Variants in PHLDB3 observed in about 807,000 individuals in gnomAD.
PHLDB3 encodes the protein pleckstrin homology-like domain family B member 3.
A neutral mutation model predicts 85.7 loss-of-function variants in PHLDB3; 86 were observed. That is an observed-to-expected ratio of 1.00 (90% CI 0.84 to 1.20). The LOEUF (loss-of-function observed/expected upper bound fraction) is 1.20. Among genes scored for constraint, PHLDB3 ranks in the 50% most tolerant of loss-of-function variants. The pLI is 0.00. For synonymous variants in PHLDB3, 376 were observed against 349.8 expected, an observed-to-expected ratio of 1.07 and a Z score of -0.83; for missense variants, 995 against 873.0, an observed-to-expected ratio of 1.14 and a Z score of -1.76.
At chr19:43,479,674 T>C (rs1971003323) in intron 13 of PHLDB3, 81 bp from the exon 14 acceptor site, 3 of 991,544 alleles carry the variant, frequency 3.0e-6, no homozygotes, top group Non-Finnish European at 4.6e-6. Context: ...GAGCAAGTCA[T>C]AGCAGCTTGC....
chr19:43,477,107 TCATCTC>T (rs1970943291), intron 15 of PHLDB3, among the ~76,000 whole-genome samples: 1 of 152,182 alleles, frequency 6.6e-6, no homozygotes, highest in Non-Finnish European at 1.5e-5. Context: ...GCCTGGCAGA[TCATCTC>T]CTTTAGATGC....
intron 6 of PHLDB3, 149 bp downstream of exon 6, chr19:43,496,969 T>C (rs1394726394): frequency 7.0e-6 from 8 of 1,136,442 alleles, no homozygotes; most frequent in Non-Finnish European, 9.0e-6. Context: ...ATCTGGCACA[T>C]AGTAAATGTT....
intron 3 of PHLDB3, 85 bp downstream of exon 3, chr19:43,502,016 C>T: frequency 2.0e-6 from 3 of 1,505,862 alleles, no homozygotes; most frequent in Non-Finnish European, 2.7e-6. Context: ...AAAATCTGAT[C>T]CCACCCGAGG....
chr19:43,492,386 A>ATTAT (rs1971340750), intron 9 of PHLDB3, among the ~76,000 whole-genome samples: 1 of 151,776 alleles, frequency 6.6e-6, no homozygotes, highest in Non-Finnish European at 1.5e-5. Flanking sequence ...GCACACTGTT[A>ATTAT]TTATTTATTT....
chr19:43,493,412 G>A (rs1393324673), intron 9 of PHLDB3, among the ~76,000 whole-genome samples: 2 of 152,102 alleles, frequency 1.3e-5, no homozygotes, highest in Non-Finnish European at 2.9e-5. Context: ...AAAACAAGAG[G>A]ACCATTTGAG....
chr19:43,480,766 G>A (rs1358882949), intron 13 of PHLDB3, among the ~76,000 whole-genome samples: 1 of 152,178 alleles, frequency 6.6e-6, no homozygotes, highest in Non-Finnish European at 1.5e-5. Flanking sequence ...GACTCAGAGA[G>A]GTTAAGTCAC....
intron 14 of PHLDB3, among the ~76,000 whole-genome samples, chr19:43,478,570 AG>A (rs2122455815): frequency 6.6e-6 from 1 of 152,288 alleles, no homozygotes; most frequent in South Asian, 2.1e-4. Context: ...GGACTCACCA[AG>A]TAGAGTCAAA....
intron 14 of PHLDB3, among the ~76,000 whole-genome samples, 193 bp from the exon 15 acceptor site, chr19:43,478,325 G>A (rs1970969943): frequency 6.6e-6 from 1 of 152,058 alleles, no homozygotes; most frequent in African/African-American, 2.4e-5. Context: ...ACAGAAACTG[G>A]ACATGATTGG....
chr19:43,481,802 A>G (rs1318169272), intron 13 of PHLDB3, among the ~76,000 whole-genome samples: 1 of 151,732 alleles, frequency 6.6e-6, no homozygotes, highest in East Asian at 1.9e-4. Flanking sequence ...TCAAAAAAAA[A>G]AAAAGAAAGA....
chr19:43,490,518 A>G (rs993401039), intron 9 of PHLDB3, among the ~76,000 whole-genome samples: 1 of 151,992 alleles, frequency 6.6e-6, no homozygotes, highest in Non-Finnish European at 1.5e-5. Context: ...GCACCATTAC[A>G]CTCCACTCCA....
rs1181534064 is a variant in PHLDB3, at chr19:43,504,214, A to AG, written c.-14-83dup. 7 of 1,266,934 alleles carry AG rather than the reference A, an allele frequency of 5.5e-6. No homozygotes were observed. The East Asian group carries it at 1.5e-4, about 28-fold the overall frequency. 78.5% of individuals were successfully genotyped at this position (1,266,934 alleles called of 1,614,324 possible). On this transcript the variant is annotated intron_variant, in intron 1 of 15. Coordinates refer to ENST00000292140, the MANE Select transcript of PHLDB3 (RefSeq NM_198850.4). ...CGCTCGCGTCTGCTCCGGGGCGCGG[A>AG]GACCCCCCCCCAAGGAGGCGGGGCC...
In PHLDB3 at chr19:43,504,139, G is replaced by A. The variant is rs765431210; in HGVS notation, c.-14-7C>T. Reference sequence around the variant, plus strand: ...CCCATGGCCGCTGGGACTCCTGCGGGGTGGGCGGGACCAGAAGCTCCGGGG... The same window carrying A: ...CCCATGGCCGCTGGGACTCCTGCGGAGTGGGCGGGACCAGAAGCTCCGGGG... On this transcript the variant is annotated splice_polypyrimidine_tract_variant and splice_region_variant and intron_variant, in intron 1 of 15. Coordinates refer to ENST00000292140, the MANE Select transcript of PHLDB3 (RefSeq NM_198850.4). 6.4e-7 allele frequency: 1 copy of A among 1,567,782 alleles called. No individual in the cohort carries two copies.
At chr19:43,487,275 C>T (rs1283132167) in intron 9 of PHLDB3, among the ~76,000 whole-genome samples, 152 bp from the exon 10 acceptor site, 1 of 152,046 alleles carries the variant, frequency 6.6e-6, no homozygotes, top group East Asian at 1.9e-4. Context: ...GGTATGATCC[C>T]GTTTATAAGA....
At chr19:43,495,084 G>A (rs1971414329) in intron 8 of PHLDB3, among the ~76,000 whole-genome samples, 172 bp downstream of exon 8, 1 of 149,842 alleles carries the variant, frequency 6.7e-6, no homozygotes. Flanking sequence ...AGAGAGGAGG[G>A]GCTGGGGCCT....
intron 9 of PHLDB3, among the ~76,000 whole-genome samples, chr19:43,489,116 C>A (rs1208288072): frequency 6.6e-6 from 1 of 152,038 alleles, no homozygotes; most frequent in African/African-American, 2.4e-5. Flanking sequence ...AAGGACAATT[C>A]TGCAGTGTAG....
chr19:43,499,198 A>G (rs1971533580), intron 4 of PHLDB3, among the ~76,000 whole-genome samples: 1 of 152,112 alleles, frequency 6.6e-6, no homozygotes, highest in Non-Finnish European at 1.5e-5. Flanking sequence ...AGGATAGGAC[A>G]TGGTGGTTGA....
chr19:43,495,743 T>G, intron 6 of PHLDB3, 123 bp from the exon 7 acceptor site: 1 of 1,381,442 alleles, frequency 7.2e-7, no homozygotes, highest in East Asian at 2.5e-5. Context: ...GGGATCGGAG[T>G]GTCCAGGGCT....
chr19:43,476,864 C>G lies in PHLDB3; in HGVS notation c.1788+1183G>C, dbSNP rs1358564648. Among the ~76,000 whole-genome samples the G allele has an allele frequency of 2.0e-5, 3 of 151,924 alleles. No homozygotes were observed. The South Asian group carries it at 6.2e-4, about 31-fold the overall frequency. On this transcript the variant is annotated intron_variant, in intron 15 of 15. Transcript: ENST00000292140. ...ATACAAGTTCCAATTCCTGAGTTCTCTGGGAAAAAATAAATATAAGACAAC... is the reference window on the plus strand; with the variant it reads ...ATACAAGTTCCAATTCCTGAGTTCTGTGGGAAAAAATAAATATAAGACAAC...
At chr19:43,489,805 G>A (rs754952206) in intron 9 of PHLDB3, among the ~76,000 whole-genome samples, 20 of 151,878 alleles carry the variant, frequency 1.3e-4, no homozygotes, top group Non-Finnish European at 2.4e-4. Context: ...TCAGGAGTTC[G>A]AGACCAGCCT....
Sources: gnomAD v4.1 joint callset for allele counts (sites outside exome capture counted in the v4.1 genomes callset) on GRCh38, gnomAD v4.1.1 for gene constraint, MANE v1.5 for transcripts, NCBI Gene and HGNC (gene_info 2026-07-23, HGNC 2026-07-21) for gene names.